Variants in PCSK2 observed in about 807,000 individuals in gnomAD.
PCSK2 encodes proprotein convertase subtilisin/kexin type 2.
A neutral mutation model predicts 69.7 loss-of-function variants in PCSK2; 14 were observed. The observed-to-expected ratio is 0.20, with a 90% confidence interval of 0.13 to 0.31. The LOEUF (loss-of-function observed/expected upper bound fraction) is 0.31. Ranked by LOEUF, PCSK2 falls within the 10% of genes least tolerant of loss-of-function variation. The pLI is 1.00. For missense variants in PCSK2, 544 were observed against 842.5 expected (o/e 0.65, Z 4.39); for synonymous variants, 307 against 320.7 (o/e 0.96, Z 0.46).
chr20:17,387,603 G>A (rs904607144), intron 5 of PCSK2, among the ~76,000 whole-genome samples: 5 of 152,108 alleles, frequency 3.3e-5, no homozygotes, highest in African/African-American at 1.2e-4. Context: ...TCTCAGAGAG[G>A]GACCAAAATG....
chr20:17,296,455 C>T (rs1227308922), intron 2 of PCSK2, among the ~76,000 whole-genome samples: 4 of 152,160 alleles, frequency 2.6e-5, no homozygotes, highest in African/African-American at 7.2e-5. Context: ...CCAAACCACT[C>T]GCGCCCCTCT....
rs2032855572 is a variant in PCSK2, at chr20:17,453,045, A to C, written c.886-697A>C. Among the ~76,000 whole-genome samples the C allele has an allele frequency of 6.6e-6, 1 of 152,192 alleles. No homozygotes were observed. Among genetic ancestry groups the C allele is most frequent in the Non-Finnish European group, 1.5e-5 (1 of 68,028 alleles). On this transcript the variant is annotated intron_variant, in intron 8 of 11. Transcript: ENST00000262545. The surrounding 1 kb of genome is among the most constrained non-coding windows in gnomAD (Gnocchi z 4.0). Reference sequence around the variant, plus strand: ...TATTAGACTTTCCTCCTACATTTGGAGTTCCCTTGCTCAAGTAAAATGTCA... The same window carrying C: ...TATTAGACTTTCCTCCTACATTTGGCGTTCCCTTGCTCAAGTAAAATGTCA...
chr20:17,387,871 A>G (rs1600539956), intron 5 of PCSK2, among the ~76,000 whole-genome samples: 2 of 152,336 alleles, frequency 1.3e-5, no homozygotes, highest in South Asian at 4.1e-4. Flanking sequence ...TACAGAAATA[A>G]TTATGATCTA....
At chr20:17,246,205 T>G (rs1216876639) in intron 1 of PCSK2, among the ~76,000 whole-genome samples, 1 of 152,208 alleles carries the variant, frequency 6.6e-6, no homozygotes. Flanking sequence ...GAAAGATGAA[T>G]ATTTAGGCAA....
chr20:17,257,602 T>C (rs1442792071), intron 1 of PCSK2, among the ~76,000 whole-genome samples: 1 of 152,232 alleles, frequency 6.6e-6, no homozygotes, highest in Non-Finnish European at 1.5e-5. Flanking sequence ...GCAGAGGTTT[T>C]CTTAAAGACC....
chr20:17,404,584 G>C (rs1430267898), intron 5 of PCSK2, among the ~76,000 whole-genome samples: 1 of 152,214 alleles, frequency 6.6e-6, no homozygotes, highest in East Asian at 1.9e-4. Flanking sequence ...GCTAGCATGA[G>C]ACACAGGAGG....
chr20:17,267,660 G>GT (rs1282150626), intron 2 of PCSK2, among the ~76,000 whole-genome samples: 3 of 152,000 alleles, frequency 2.0e-5, no homozygotes, highest in African/African-American at 7.2e-5. Flanking sequence ...TCTAGATGCT[G>GT]TTTTTTTCTA....
chr20:17,441,326 T>C (rs912426196), intron 8 of PCSK2, among the ~76,000 whole-genome samples: 3 of 152,162 alleles, frequency 2.0e-5, no homozygotes, highest in African/African-American at 7.2e-5. Flanking sequence ...AGTCAGATGG[T>C]TTCTAATAAA....
intron 2 of PCSK2, among the ~76,000 whole-genome samples, chr20:17,263,352 T>C (rs765587075): frequency 4.6e-5 from 7 of 152,244 alleles, no homozygotes; most frequent in Admixed American, 2.6e-4. Context: ...ATGTAGACTG[T>C]GTTAAAGATG....
At chr20:17,288,584 T>G (rs1397421743) in intron 2 of PCSK2, among the ~76,000 whole-genome samples, 1 of 152,196 alleles carries the variant, frequency 6.6e-6, no homozygotes, top group Non-Finnish European at 1.5e-5. Context: ...AATTGGAGAT[T>G]GGGCCTTTAA....
intron 4 of PCSK2, among the ~76,000 whole-genome samples, chr20:17,365,255 C>A (rs2030551686): frequency 6.6e-6 from 1 of 152,126 alleles, no homozygotes; most frequent in African/African-American, 2.4e-5. Context: ...GAAGGGGTAA[C>A]AAAGGGATGA....
At chr20:17,363,858 C>T (rs2030492551) in intron 4 of PCSK2, among the ~76,000 whole-genome samples, 3 of 152,326 alleles carry the variant, frequency 2.0e-5, no homozygotes, top group Admixed American at 6.5e-5. Context: ...TTATTATAAT[C>T]GCCATTTTAC....
intron 2 of PCSK2, among the ~76,000 whole-genome samples, chr20:17,305,565 T>C (rs1379377952): frequency 1.3e-5 from 2 of 152,194 alleles, no homozygotes; most frequent in African/African-American, 4.8e-5. Flanking sequence ...ACTTTAATTC[T>C]TTTACAAGCT....
chr20:17,412,630 T>C (rs2031901949), intron 6 of PCSK2, among the ~76,000 whole-genome samples: 1 of 152,052 alleles, frequency 6.6e-6, no homozygotes, highest in East Asian at 1.9e-4. Flanking sequence ...CAGGAGAACT[T>C]CCCCAACCTA....
intron 2 of PCSK2, among the ~76,000 whole-genome samples, chr20:17,342,727 G>A (rs1191793579): frequency 6.6e-6 from 1 of 151,680 alleles, no homozygotes; most frequent in Admixed American, 6.6e-5. Context: ...TTGACCTCCT[G>A]GGCTCTAGTG....
At chr20:17,354,642 A>G (rs1170174582) in intron 2 of PCSK2, among the ~76,000 whole-genome samples, 2 of 152,200 alleles carry the variant, frequency 1.3e-5, no homozygotes, top group Non-Finnish European at 2.9e-5. Flanking sequence ...GGAAATGGAT[A>G]AATTGTGGTA....
At chr20:17,331,149 C>G (rs1990195549) in intron 2 of PCSK2, among the ~76,000 whole-genome samples, 1 of 152,130 alleles carries the variant, frequency 6.6e-6, no homozygotes, top group Admixed American at 6.5e-5. Context: ...AGGTAGCGCT[C>G]CTGACTCAAA....
chr20:17,421,659 A>T (rs2032129116), intron 6 of PCSK2, among the ~76,000 whole-genome samples: 1 of 152,130 alleles, frequency 6.6e-6, no homozygotes, highest in African/African-American at 2.4e-5. Flanking sequence ...GCCAAGTTGC[A>T]CACTGGCTTG....
At chr20:17,295,837 T>C (rs1388175267) in intron 2 of PCSK2, among the ~76,000 whole-genome samples, 1 of 152,164 alleles carries the variant, frequency 6.6e-6, no homozygotes, top group Non-Finnish European at 1.5e-5. Flanking sequence ...ATTACATGTG[T>C]GAGCCACCGT....
Sources: allele counts gnomAD v4.1 joint callset (sites outside exome capture counted in the v4.1 genomes callset), GRCh38; gene constraint gnomAD v4.1.1; non-coding constraint Gnocchi (gnomAD v3.1); transcripts MANE v1.5; gene names NCBI Gene and HGNC (gene_info 2026-07-23, HGNC 2026-07-21).